The following TLN2 variants were observed in gnomAD, a reference collection of about 807,000 sequenced individuals.
TLN2 encodes talin 2.
In TLN2, 118 loss-of-function variants were observed where a neutral mutation model predicts 294.7. The ratio of observed to expected loss-of-function variants is 0.40; its 90% CI spans 0.34 to 0.47. TLN2 has a LOEUF of 0.47. Among genes scored for constraint, TLN2 ranks in the 20% least tolerant of loss-of-function variants. The pLI is 0.84. For missense variants in TLN2, 3,083 were observed against 3,282.2 expected, an observed-to-expected ratio of 0.94 and a Z score of 1.48; for synonymous variants, 1,431 against 1,304.5, an observed-to-expected ratio of 1.10 and a Z score of -2.09.
chr15:62,799,829 A>T (rs1567633230), intron 48 of TLN2, among the ~76,000 whole-genome samples: 1 of 152,244 alleles, frequency 6.6e-6, no homozygotes, highest in Non-Finnish European at 1.5e-5. Context: ...GGCCCAAGTG[A>T]TGGAAAGAGC....
chr15:62,546,999 C>CGTTA (rs2042030402), intron 1 of TLN2, among the ~76,000 whole-genome samples: 1 of 152,004 alleles, frequency 6.6e-6, no homozygotes, highest in Non-Finnish European at 1.5e-5. Flanking sequence ...AAAAGACCAG[C>CGTTA]GTTAATCAGG....
At chr15:62,669,426 C>T (rs1418936751) in intron 9 of TLN2, among the ~76,000 whole-genome samples, 1 of 152,132 alleles carries the variant, frequency 6.6e-6, no homozygotes, top group Non-Finnish European at 1.5e-5. Context: ...GATTAGTGTA[C>T]TAACTTTACT....
intron 1 of TLN2, among the ~76,000 whole-genome samples, chr15:62,509,939 G>C (rs1425378243): frequency 6.6e-6 from 1 of 152,156 alleles, no homozygotes; most frequent in Non-Finnish European, 1.5e-5. Flanking sequence ...TTTGGGGTTT[G>C]GATAAGGATA....
At chr15:62,698,612 G>A in intron 15 of TLN2, 142 bp from the exon 16 acceptor site, 1 of 624,728 alleles carries the variant, frequency 1.6e-6, no homozygotes, top group Admixed American at 2.8e-5. Context: ...GGTTGAAATG[G>A]GAGATGGTTG....
At chr15:62,469,913 G>A (rs1378405197) in intron 1 of TLN2, among the ~76,000 whole-genome samples, 1 of 152,068 alleles carries the variant, frequency 6.6e-6, no homozygotes. Context: ...AAATGGGCAT[G>A]GCTCTTGCGT....
intron 1 of TLN2, among the ~76,000 whole-genome samples, chr15:62,543,392 A>G (rs186324433): frequency 7.9e-5 from 12 of 152,368 alleles, no homozygotes; most frequent in East Asian, 3.9e-4. Context: ...CAATGTGGAC[A>G]TGTCCTCTGT....
intron 22 of TLN2, among the ~76,000 whole-genome samples, chr15:62,714,816 C>A (rs2059664112): frequency 6.6e-6 from 1 of 151,962 alleles, no homozygotes; most frequent in African/African-American, 2.4e-5. Context: ...AAATTAGTAC[C>A]CCATATCTGA....
At chr15:62,528,520 C>T (rs1229132306) in intron 1 of TLN2, among the ~76,000 whole-genome samples, 1 of 152,092 alleles carries the variant, frequency 6.6e-6, no homozygotes, top group African/African-American at 2.4e-5. Flanking sequence ...GTGGCATGGT[C>T]CTGAGGGCCA....
chr15:62,770,804 A>G (rs1350809659), intron 41 of TLN2, among the ~76,000 whole-genome samples, 160 bp from the exon 42 acceptor site: 1 of 152,210 alleles, frequency 6.6e-6, no homozygotes, highest in Non-Finnish European at 1.5e-5. Context: ...GAAAGAGTCC[A>G]TTAATTAGCA....
chr15:62,420,361 C>T (rs965690033), intron 1 of TLN2, among the ~76,000 whole-genome samples: 4 of 151,840 alleles, frequency 2.6e-5, no homozygotes, highest in Admixed American at 6.6e-5. Flanking sequence ...ATTAAGAAAA[C>T]ATTCTTGGAG....
rs2042732623 is a variant in TLN2 at position 62,558,526 on chromosome 15, G to A, written c.-237-31161G>A. Among the ~76,000 whole-genome samples, 3 of 152,054 alleles carry A rather than the reference G, an allele frequency of 2.0e-5. No individual in the cohort carries two copies. In the South Asian group the frequency reaches 6.2e-4, roughly 32 times the overall value. ...ATTGGAACAGACCCCGTTCTTAGTT[G>A]GAACAGACCCCCTGTAACAAAAGAC... is the stretch of plus-strand genomic sequence containing the variant. On this transcript the variant is annotated intron_variant, in intron 1 of 58. Transcript: ENST00000636159.
In TLN2 at chr15:62,467,835, C is replaced by T. The variant is rs181865289; in HGVS notation, c.-238+77150C>T. Among the ~76,000 whole-genome samples, 52 of 152,292 alleles carry T rather than the reference C, an allele frequency of 3.4e-4. No individual in the cohort carries two copies. In the East Asian group the frequency reaches 9.8e-3, roughly 29 times the overall value. On this transcript the variant is annotated intron_variant, in intron 1 of 58. Coordinates refer to ENST00000636159, the MANE Select transcript of TLN2 (RefSeq NM_015059.3). ...CTTCCCTAGTGTCAGGTGGCCCACC[C>T]CTTTAGTCCTTTGTGGAGTTTTGGC...
intron 2 of TLN2, among the ~76,000 whole-genome samples, chr15:62,594,082 A>G (rs143240575): frequency 4.0e-4 from 61 of 152,376 alleles, no homozygotes; most frequent in African/African-American, 1.4e-3. Context: ...ACCTCAAAAT[A>G]TGCTACAAAG....
At chr15:62,431,712 A>G (rs1566966218) in intron 1 of TLN2, among the ~76,000 whole-genome samples, 1 of 152,246 alleles carries the variant, frequency 6.6e-6, no homozygotes, top group Non-Finnish European at 1.5e-5. Context: ...CATTTGGAAA[A>G]ACATTCAGAA....
chr15:62,531,809 CT>C (rs1487806513), intron 1 of TLN2, among the ~76,000 whole-genome samples: 1 of 152,094 alleles, frequency 6.6e-6, no homozygotes, highest in East Asian at 1.9e-4. Context: ...TTTTTTCCCC[CT>C]AATACTACTA....
chr15:62,655,845 G>C (rs2053148535), intron 7 of TLN2, 99 bp from the exon 8 acceptor site: 2 of 1,315,328 alleles, frequency 1.5e-6, no homozygotes, highest in African/African-American at 1.5e-5. Flanking sequence ...CTAAGTATCA[G>C]AGATACAGAA....
chr15:62,758,383 C>T (rs2062445410), intron 37 of TLN2, among the ~76,000 whole-genome samples: 2 of 152,230 alleles, frequency 1.3e-5, no homozygotes, highest in South Asian at 2.1e-4. Flanking sequence ...CTCTCCGAGT[C>T]ACCACATACG....
chr15:62,571,184 G>A lies in TLN2; in HGVS notation c.-237-18503G>A, dbSNP rs569228711. ...GATGCCAGTTGCACTGAGGGTGCTCGGGAGATGAGCCTGACACTTGGCACC... is the reference window on the plus strand; with the variant it reads ...GATGCCAGTTGCACTGAGGGTGCTCAGGAGATGAGCCTGACACTTGGCACC... On this transcript the variant is annotated intron_variant, in intron 1 of 58. Transcript: ENST00000636159. Among the ~76,000 whole-genome samples, 11 of 152,274 alleles carry A rather than the reference G, an allele frequency of 7.2e-5. No individual in the cohort carries two copies. The South Asian group carries it at 8.3e-4, about 11-fold the overall frequency.
At chr15:62,716,572 T>G in intron 23 of TLN2, 113 bp downstream of exon 23, 2 of 1,371,974 alleles carry the variant, frequency 1.5e-6, no homozygotes, top group Non-Finnish European at 1.9e-6. Flanking sequence ...AAGTCAAGGT[T>G]CACATCATTG....
Sources: gnomAD v4.1 joint callset for allele counts (sites outside exome capture counted in the v4.1 genomes callset) on GRCh38, gnomAD v4.1.1 for gene constraint, MANE v1.5 for transcripts, NCBI Gene and HGNC (gene_info 2026-07-23, HGNC 2026-07-21) for gene names.